ATRNL1: variants seen among roughly 807,000 people sequenced by gnomAD.
ATRNL1 encodes attractin-like protein 1.
A neutral mutation model predicts 182.7 loss-of-function variants in ATRNL1; 95 were observed. The ratio of observed to expected loss-of-function variants is 0.52; its 90% confidence interval spans 0.44 to 0.62. The LOEUF (loss-of-function observed/expected upper bound fraction) is 0.62, where lower values mean the gene tolerates loss of function less well. Among genes scored for constraint, ATRNL1 ranks in the 20% least tolerant of loss-of-function variants. The pLI is 0.00. For missense variants in ATRNL1, 1,471 were observed against 1,679.5 expected (o/e 0.88, Z 2.17); for synonymous variants, 576 against 568.3 (o/e 1.01, Z -0.19).
At chr10:115,511,736 T>G (rs1850396156) in intron 24 of ATRNL1, among the ~76,000 whole-genome samples, 1 of 151,954 alleles carries the variant, frequency 6.6e-6, no homozygotes, top group Admixed American at 6.6e-5. Context: ...TTATTATTAA[T>G]TCATTAAAAA....
At position 115,265,218 on chromosome 10, in the gene ATRNL1, A is replaced by C; in HGVS notation, c.1713A>C (p.Pro571=). 2 of 1,608,114 alleles carry C rather than the reference A, an allele frequency of 1.2e-6. No homozygotes were observed. Among genetic ancestry groups the C allele is most frequent in the Admixed American group, 3.3e-5 (2 of 59,702 alleles). ...DIACDEWKIL[P]KPNLHRDVNR... ...CTTGTGATGAATGGAAAATACTACC[A>C]AAACCAAATCTTCATAGAGATGTCA... The change falls in exon 11 of 29, where the codon CCA becomes CCC. Residue 571 remains proline (P), a synonymous_variant. Transcript: ENST00000355044.
At chr10:115,537,702 T>TGTTTGTTTGTTC (rs1442450733) in intron 25 of ATRNL1, among the ~76,000 whole-genome samples, 1 of 152,090 alleles carries the variant, frequency 6.6e-6, no homozygotes, top group African/African-American at 2.4e-5. Context: ...TGGTCCTTAT[T>TGTTTGTTTGTTC]GTTTGTTTTT....
chr10:115,863,107 G>A (rs12256848), intron 28 of ATRNL1, among the ~76,000 whole-genome samples: 29,143 of 152,036 alleles, frequency 0.19, 2,806 homozygotes, highest in South Asian at 0.28. Context: ...TAAAAATGGA[G>A]CAATGAGAGG....
rs1297346691 is a variant in ATRNL1 at position 115,363,140 on chromosome 10, G to C, written c.3175+28721G>C. Among the ~76,000 whole-genome samples the C allele has an allele frequency of 3.2e-3, 465 of 147,250 alleles. 2 individuals carry two copies. The highest frequency in any genetic ancestry group is 0.011 in the African/African-American group (432 of 40,362). On this transcript the variant is annotated intron_variant, in intron 19 of 28. Coordinates refer to ENST00000355044, the MANE Select transcript of ATRNL1 (RefSeq NM_207303.4). ...GAACTAGTTTACAGTCCCACCAACA[G>C]TGTAAAAGTGTTCCTATTTCTCCAC...
intron 26 of ATRNL1, among the ~76,000 whole-genome samples, chr10:115,634,954 T>C (rs12416495): frequency 0.03 from 4,518 of 151,918 alleles, 269 homozygotes; most frequent in Admixed American, 0.14. Context: ...GAAAAAAAAT[T>C]ACAAAAAAAA....
chr10:115,943,859 G>A (rs893434261), intron 28 of ATRNL1, among the ~76,000 whole-genome samples: 1 of 151,994 alleles, frequency 6.6e-6, no homozygotes, highest in Non-Finnish European at 1.5e-5. Flanking sequence ...AAAAGGAAAC[G>A]AGTTATCAAG....
intron 27 of ATRNL1, among the ~76,000 whole-genome samples, chr10:115,837,065 GA>G (rs1950691528): frequency 6.6e-6 from 1 of 152,024 alleles, no homozygotes; most frequent in Admixed American, 6.6e-5. Flanking sequence ...TAGTCATACT[GA>G]AAAAAGGAGC....
At chr10:115,288,523 T>A (rs1472298175) in intron 15 of ATRNL1, among the ~76,000 whole-genome samples, 1 of 152,054 alleles carries the variant, frequency 6.6e-6, no homozygotes, top group African/African-American at 2.4e-5. Context: ...GTCTTCTTTT[T>A]TTTTTTTTTA....
chr10:115,495,875 T>C (rs7075401), intron 24 of ATRNL1, among the ~76,000 whole-genome samples: 107,751 of 151,608 alleles, frequency 0.71, 39,495 homozygotes, highest in African/African-American at 0.82. Context: ...GGAATATTTT[T>C]GTTAGTTTTC....
intron 26 of ATRNL1, among the ~76,000 whole-genome samples, chr10:115,589,542 G>A (rs1173889377): frequency 4.6e-5 from 7 of 151,986 alleles, no homozygotes; most frequent in African/African-American, 1.4e-4. Flanking sequence ...AATTCTCATT[G>A]TACAAAGTCT....
intron 18 of ATRNL1, 119 bp downstream of exon 18, chr10:115,315,855 A>G: frequency 1.3e-6 from 1 of 766,072 alleles, no homozygotes; most frequent in Non-Finnish European, 2.1e-6. Flanking sequence ...AAATGAGACT[A>G]AAATGTCAAA....
intron 22 of ATRNL1, among the ~76,000 whole-genome samples, chr10:115,465,841 G>T (rs781988516): frequency 1.3e-5 from 2 of 151,480 alleles, no homozygotes; most frequent in Non-Finnish European, 3.0e-5. Flanking sequence ...TATTTTACAT[G>T]CTCTTTCAAG....
intron 9 of ATRNL1, among the ~76,000 whole-genome samples, chr10:115,229,254 AGTT>A (rs1236061918): frequency 6.6e-6 from 1 of 152,164 alleles, no homozygotes; most frequent in African/African-American, 2.4e-5. Flanking sequence ...ATATAATAGA[AGTT>A]GTTTTTACAT....
chr10:115,749,083 T>C lies in ATRNL1; in HGVS notation c.3903+21728T>C, dbSNP rs182660899. Among the ~76,000 whole-genome samples the C allele has an allele frequency of 3.9e-5, 6 of 152,000 alleles. No homozygotes were observed. In the East Asian group the frequency reaches 1.2e-3, roughly 29 times the overall value. On this transcript the variant is annotated intron_variant, in intron 27 of 28. Coordinates refer to ENST00000355044, the MANE Select transcript of ATRNL1 (RefSeq NM_207303.4). ...TGAACCACAGAGCTCAATACAAAAT[T>C]GATGTTCTTAAGTTAATCAGTTAGT...
At chr10:115,733,978 A>C (rs953781654) in intron 27 of ATRNL1, among the ~76,000 whole-genome samples, 4 of 152,224 alleles carry the variant, frequency 2.6e-5, no homozygotes, top group East Asian at 3.9e-4. Context: ...AATTGAGAGC[A>C]TATTTTATAG....
intron 1 of ATRNL1, among the ~76,000 whole-genome samples, chr10:115,115,666 C>G (rs781996139): frequency 6.6e-6 from 1 of 152,066 alleles, no homozygotes; most frequent in Non-Finnish European, 1.5e-5. Context: ...AAGACTATCC[C>G]TGAGTGGATC....
At chr10:115,767,370 G>C (rs530179480) in intron 27 of ATRNL1, among the ~76,000 whole-genome samples, 1 of 152,084 alleles carries the variant, frequency 6.6e-6, no homozygotes, top group East Asian at 1.9e-4. Flanking sequence ...ATTTTTTCTA[G>C]TCTTGAGGGT....
intron 27 of ATRNL1, among the ~76,000 whole-genome samples, chr10:115,809,827 A>G (rs1439748445): frequency 6.6e-6 from 1 of 151,892 alleles, no homozygotes; most frequent in Non-Finnish European, 1.5e-5. Context: ...TGTCTAGTAC[A>G]CTGTGGAATT....
At chr10:115,306,034 C>T (rs1554926059) in intron 17 of ATRNL1, among the ~76,000 whole-genome samples, 2 of 152,156 alleles carry the variant, frequency 1.3e-5, no homozygotes, top group Non-Finnish European at 2.9e-5. Context: ...AGCTCTTATA[C>T]TCTTAACAAC....
Sources: allele counts gnomAD v4.1 joint callset (sites outside exome capture counted in the v4.1 genomes callset), GRCh38; gene constraint gnomAD v4.1.1; transcripts MANE v1.5; gene names NCBI Gene and HGNC (gene_info 2026-07-23, HGNC 2026-07-21).